HELZ: variants seen among roughly 807,000 people sequenced by gnomAD.
HELZ encodes ATP-dependent RNA helicase with zinc finger domain.
In HELZ, 23 loss-of-function variants were observed where a neutral mutation model predicts 218.2. The ratio of observed to expected loss-of-function variants is 0.11; its 90% CI spans 0.08 to 0.15. HELZ has a LOEUF of 0.15. Among genes scored for constraint, HELZ ranks in the 10% least tolerant of loss-of-function variants. The pLI is 1.00. For missense variants in HELZ, 1,813 were observed against 2,353.7 expected, an observed-to-expected ratio of 0.77 and a Z score of 4.75; for synonymous variants, 814 against 829.4, an observed-to-expected ratio of 0.98 and a Z score of 0.32.
intron 23 of HELZ, among the ~76,000 whole-genome samples, chr17:67,131,061 A>T (rs1420403469): frequency 1.3e-5 from 2 of 151,928 alleles, no homozygotes; most frequent in Admixed American, 1.3e-4. Flanking sequence ...AAATTTTTAA[A>T]TTTTTTTGTA....
At chr17:67,128,143 T>C (rs891240244) in intron 24 of HELZ, among the ~76,000 whole-genome samples, 6 of 152,174 alleles carry the variant, frequency 3.9e-5, no homozygotes, top group African/African-American at 1.4e-4. Flanking sequence ...ACAAAAAATA[T>C]GTGTCAAAAT....
At chr17:67,089,676 G>T (rs377503959) in intron 31 of HELZ, among the ~76,000 whole-genome samples, 282 of 87,272 alleles carry the variant, frequency 3.2e-3, no homozygotes, top group South Asian at 5.9e-3. Context: ...TATAGAGAGA[G>T]AGAGAGAGAG....
At chr17:67,241,768 G>A (rs528285341) in intron 2 of HELZ, among the ~76,000 whole-genome samples, 1 of 152,290 alleles carries the variant, frequency 6.6e-6, no homozygotes, top group South Asian at 2.1e-4. Context: ...TAGTGTCCTA[G>A]CTTCCCAGCC....
chr17:67,195,430 T>C lies in HELZ; in HGVS notation c.470A>G (p.Asp157Gly), dbSNP rs748163651. The change falls in exon 8 of 33, where the codon GAC becomes GGC. Residue 157 changes from aspartate (D) to glycine (G), a missense_variant. Physicochemically the swap from Asp to Gly is moderately conservative, Grantham distance 94. Around this residue, in one of 4 missense-constraint regions of HELZ, gnomAD observed 714 missense variants for 1,029.2 expected, o/e 0.69. Coordinates refer to ENST00000358691, the MANE Select transcript of HELZ (RefSeq NM_014877.4). The stretch of plus-strand genomic sequence containing the variant: ...CATTTGGCACTTACCCTCATCTAAG[T>C]CTTCCACGTGATATCCAGAGAGGGC... ...SNALSGYHVE[D>G]LDEGSCNGWH... 3.1e-6 allele frequency: 5 copies of C among 1,602,928 alleles called. No individual in the cohort carries two copies. The highest frequency in any genetic ancestry group is 4.3e-6 in the Non-Finnish European group (5 of 1,170,032).
At chr17:67,097,608 T>C (rs569791400) in intron 31 of HELZ, among the ~76,000 whole-genome samples, 3 of 152,344 alleles carry the variant, frequency 2.0e-5, no homozygotes, top group African/African-American at 7.2e-5. Context: ...CCAGAACGAA[T>C]ACAATATTAC....
At chr17:67,106,805 GA>G (rs1286917432) in intron 31 of HELZ, among the ~76,000 whole-genome samples, 1 of 152,112 alleles carries the variant, frequency 6.6e-6, no homozygotes, top group Non-Finnish European at 1.5e-5. Context: ...AGCATCTTTG[GA>G]AAGTTCTCAT....
At chr17:67,161,265 C>T (rs894650058) in intron 15 of HELZ, among the ~76,000 whole-genome samples, 189 bp from the exon 16 acceptor site, 5 of 152,056 alleles carry the variant, frequency 3.3e-5, no homozygotes, top group Admixed American at 6.5e-5. Context: ...AGTGTTTTAA[C>T]GTGTAAATCA....
At chr17:67,107,764 A>G (rs907295416) in intron 30 of HELZ, 79 bp from the exon 31 acceptor site, 27 of 1,283,406 alleles carry the variant, frequency 2.1e-5, no homozygotes, top group Non-Finnish European at 2.8e-5. Context: ...CTACACATGT[A>G]TTTTCAACAA....
At chr17:67,089,694 G>GAGAGAGACAGAGAGAC (rs60975443) in intron 31 of HELZ, among the ~76,000 whole-genome samples, 69 of 100,708 alleles carry the variant, frequency 6.9e-4, no homozygotes, top group East Asian at 3.6e-3. Context: ...GAGAGAGAGA[G>GAGAGAGACAGAGAGAC]AGAGAGACAG....
intron 15 of HELZ, among the ~76,000 whole-genome samples, chr17:67,162,810 T>TA (rs1416462873): frequency 2.0e-5 from 3 of 150,668 alleles, no homozygotes; most frequent in African/African-American, 7.3e-5. Context: ...GAAAAGTAAA[T>TA]AAACTACAGC....
intron 3 of HELZ, among the ~76,000 whole-genome samples, chr17:67,236,165 A>G (rs894224410): frequency 2.0e-5 from 3 of 152,186 alleles, no homozygotes; most frequent in Non-Finnish European, 4.4e-5. Context: ...GATATCAACA[A>G]ACAGTTCACC....
At chr17:67,227,859 T>A (rs2040935764) in intron 3 of HELZ, among the ~76,000 whole-genome samples, 1 of 152,226 alleles carries the variant, frequency 6.6e-6, no homozygotes, top group African/African-American at 2.4e-5. Flanking sequence ...TCAAATTAAC[T>A]TCTCTTGTTA....
At chr17:67,224,663 A>G in intron 3 of HELZ, 3 of 679,076 alleles carry the variant, frequency 4.4e-6, no homozygotes, top group Non-Finnish European at 8.0e-6. Context: ...TTAGTGTGAT[A>G]TATGATTCTT....
chr17:67,125,402 C>A (rs1220986576), intron 24 of HELZ, among the ~76,000 whole-genome samples: 1 of 140,338 alleles, frequency 7.1e-6, no homozygotes, highest in Non-Finnish European at 1.5e-5. Flanking sequence ...GAGAAAAAGG[C>A]AAACATCAAG....
intron 1 of HELZ, chr17:67,244,509 C>G: frequency 1.3e-6 from 1 of 751,372 alleles, no homozygotes; most frequent in Non-Finnish European, 1.6e-6. Context: ...CTCAAGGAAT[C>G]TCCAGGAAAA....
In HELZ at chr17:67,188,407, A is replaced by G. The variant is rs2039813778; in HGVS notation, c.1074T>C (p.Phe358=). Residue 358 remains phenylalanine (F), a synonymous_variant, in exon 12 of 33, where the codon TTT becomes TTC. Transcript: ENST00000358691. The surrounding 1 kb of genome is among the most constrained non-coding windows in gnomAD (Gnocchi z 4.1). ...AAACTATGGTTTGGCGAAAAGTTCC[A>G]AATATTTCTGTGTTAAATGCTATCC... ...KVGIAFNTEI[F]GTFRQTIVFD... 5 of 1,613,940 alleles carry G rather than the reference A, an allele frequency of 3.1e-6. No homozygotes were observed. The East Asian group carries it at 1.1e-4, about 36-fold the overall frequency.
intron 2 of HELZ, among the ~76,000 whole-genome samples, chr17:67,240,127 T>C (rs1389656545): frequency 6.6e-6 from 1 of 152,234 alleles, no homozygotes; most frequent in Non-Finnish European, 1.5e-5. Context: ...ACTAACTGTT[T>C]TCATGTTTCA....
At chr17:67,202,870 T>A (rs777941308) in intron 6 of HELZ, among the ~76,000 whole-genome samples, 22 of 152,142 alleles carry the variant, frequency 1.4e-4, no homozygotes, top group Non-Finnish European at 3.1e-4. Flanking sequence ...ACACCTATAA[T>A]CCCAGCACTT....
At position 67,123,104 on chromosome 17, in the gene HELZ, G is replaced by A; in HGVS notation, c.3496C>T (p.Pro1166Ser). 6.2e-7 allele frequency: 1 copy of A among 1,613,500 alleles called. No homozygotes were observed. Among genetic ancestry groups the A allele is most frequent in the Non-Finnish European group, 8.5e-7 (1 of 1,179,454 alleles). Residue 1166 changes from proline to serine, a missense_variant, in exon 26 of 33, where the codon CCC becomes TCC. Coordinates refer to ENST00000358691, the MANE Select transcript of HELZ (RefSeq NM_014877.4). ...AAATTTGGGTGAGGTCCAAGAGGGGGTGGAGGAGTATATGCTCTAATAGGA... is the reference window on the plus strand; with the variant it reads ...AAATTTGGGTGAGGTCCAAGAGGGGATGGAGGAGTATATGCTCTAATAGGA... ...GNPIRAYTPP[P>S]PLGPHPNLGK...
Sources: allele counts gnomAD v4.1 joint callset (sites outside exome capture counted in the v4.1 genomes callset), GRCh38; gene constraint gnomAD v4.1.1; regional missense constraint gnomAD v4.1.1; non-coding constraint Gnocchi (gnomAD v3.1); transcripts MANE v1.5; gene names NCBI Gene and HGNC (gene_info 2026-07-23, HGNC 2026-07-21).